Variants in SEC14L1 observed in about 807,000 individuals in gnomAD.
SEC14L1 encodes the protein SEC14-like protein 1.
In SEC14L1, 48 loss-of-function variants were observed where a neutral mutation model predicts 85.3. The observed-to-expected ratio is 0.56, with a 90% CI of 0.45 to 0.72. SEC14L1 has a LOEUF of 0.72. Ranked by LOEUF, SEC14L1 falls within the 30% of genes least tolerant of loss-of-function variation. The pLI, the probability that SEC14L1 is intolerant of heterozygous loss-of-function variation, is 0.00. For missense variants in SEC14L1, 682 were observed against 921.4 expected, an observed-to-expected ratio of 0.74 and a Z score of 3.36; for synonymous variants, 391 against 355.5, an observed-to-expected ratio of 1.10 and a Z score of -1.12.
At chr17:77,103,863 G>A (rs1318026749) in intron 3 of SEC14L1, among the ~76,000 whole-genome samples, 4 of 150,734 alleles carry the variant, frequency 2.7e-5, no homozygotes, top group East Asian at 2.0e-4. Context: ...CGGGAAGACC[G>A]TGGATCCAGG....
intron 3 of SEC14L1, among the ~76,000 whole-genome samples, chr17:77,124,718 G>A (rs1972391428): frequency 6.6e-6 from 1 of 152,138 alleles, no homozygotes; most frequent in Non-Finnish European, 1.5e-5. Context: ...AGTGAGTGAG[G>A]CCATTGGAGG....
At chr17:77,163,206 AT>A (rs1321588552) in intron 3 of SEC14L1, among the ~76,000 whole-genome samples, 1 of 152,144 alleles carries the variant, frequency 6.6e-6, no homozygotes, top group Non-Finnish European at 1.5e-5. Context: ...GATGATACGA[AT>A]TGGACTTACC....
At chr17:77,209,649 G>A (rs1976648485) in intron 14 of SEC14L1, among the ~76,000 whole-genome samples, 173 bp downstream of exon 14, 1 of 152,210 alleles carries the variant, frequency 6.6e-6, no homozygotes, top group South Asian at 2.1e-4. Flanking sequence ...CAACGTCGAA[G>A]AATGGGTCTC....
intron 3 of SEC14L1, among the ~76,000 whole-genome samples, chr17:77,117,488 C>T (rs994921224): frequency 1.3e-5 from 2 of 152,234 alleles, no homozygotes; most frequent in Non-Finnish European, 2.9e-5. Context: ...GCTATTCTCA[C>T]AGGCCAAATG....
intron 3 of SEC14L1, among the ~76,000 whole-genome samples, chr17:77,179,327 T>C (rs1741259901): frequency 6.6e-6 from 1 of 152,320 alleles, no homozygotes; most frequent in African/African-American, 2.4e-5. Context: ...CTAAAATACT[T>C]GGAAGTGCAA....
At chr17:77,141,838 C>T (rs148886704) in intron 1 of SEC14L1, 2 of 152,322 alleles carry the variant, frequency 1.3e-5, no homozygotes, top group East Asian at 1.9e-4. Flanking sequence ...CGGTTATCGT[C>T]CTCATATCTG....
chr17:77,144,349 G>A (rs961270013), intron 3 of SEC14L1, among the ~76,000 whole-genome samples: 2 of 152,092 alleles, frequency 1.3e-5, no homozygotes, highest in South Asian at 4.1e-4. Context: ...AGCACACCTG[G>A]GATACTGGCA....
At chr17:77,196,594 A>G (rs1975816476) in intron 8 of SEC14L1, among the ~76,000 whole-genome samples, 3 of 152,206 alleles carry the variant, frequency 2.0e-5, no homozygotes, top group African/African-American at 4.8e-5. Context: ...CACACATTCA[A>G]ATTTTCAGAA....
At position 77,206,646 on chromosome 17, in the gene SEC14L1, C is replaced by A; in HGVS notation, c.1342-82C>A. On this transcript the variant is annotated intron_variant, in intron 12 of 16. Transcript: ENST00000436233. This position sits in a 1 kb window ranked among gnomAD's most constrained non-coding sequence, Gnocchi z 4.3. ...TGAATGTCTTCCCCCCACCCTCCCA[C>A]TCAGAATACCACATTGTCATTTTAA... The A allele has an allele frequency of 6.6e-7, 1 of 1,505,772 alleles. No individual in the cohort carries two copies. Among genetic ancestry groups the A allele is most frequent in the Non-Finnish European group, 9.0e-7 (1 of 1,112,380 alleles). 93.3% of individuals were successfully genotyped at this position (1,505,772 alleles called of 1,614,324 possible).
chr17:77,211,689 A>C (rs1976758835), intron 14 of SEC14L1: 4 of 512,670 alleles, frequency 7.8e-6, no homozygotes, highest in East Asian at 7.1e-5. Flanking sequence ...GTGTGTGTGA[A>C]GATGGTGTAT....
intron 7 of SEC14L1, among the ~76,000 whole-genome samples, chr17:77,195,249 G>A (rs1479158678): frequency 2.6e-5 from 4 of 151,938 alleles, no homozygotes; most frequent in Non-Finnish European, 5.9e-5. Context: ...TTCTGCCTCG[G>A]CCTCCCAAAG....
At position 77,208,869 on chromosome 17, in the gene SEC14L1, T is replaced by C. The variant is rs577090290; in HGVS notation, c.1477-473T>C. Among the ~76,000 whole-genome samples the C allele has an allele frequency of 2.6e-4, 40 of 152,378 alleles. 1 individual carries two copies. The South Asian group carries it at 5.2e-3, about 20-fold the overall frequency. On this transcript the variant is annotated intron_variant, in intron 13 of 16. Coordinates refer to ENST00000436233, the MANE Select transcript of SEC14L1 (RefSeq NM_001143998.2). ...AAATTCAAAAGAAGTTCTTCATTAG[T>C]TTTTGGCTGGTGTTATAGACCAGTC...
Position 77,213,462 on chromosome 17 carries a change from A to G in SEC14L1, c.2012A>G (p.Tyr671Cys), listed in dbSNP as rs1976872718. 1.2e-6 allele frequency: 2 copies of G among 1,611,724 alleles called. No individual in the cohort carries two copies. The highest frequency in any genetic ancestry group is 2.2e-5 in the South Asian group (2 of 91,086). Reference sequence around the variant, plus strand: ...TCGCACAAGTGTAAAGTGATGTACTACACCGAGGTGATCGGCTCGGAGGAT... The same window carrying G: ...TCGCACAAGTGTAAAGTGATGTACTGCACCGAGGTGATCGGCTCGGAGGAT... ...VSSHKCKVMY[Y>C]TEVIGSEDFR... Residue 671 changes from tyrosine to cysteine, a missense_variant, in exon 16 of 17, where the codon TAC becomes TGC. Tyr to Cys is a radical substitution (Grantham distance 194). This residue lies in a region of SEC14L1 where 420 missense variants were observed against 619.5 expected (regional missense o/e 0.68). Transcript: ENST00000436233. This position sits in a 1 kb window ranked among gnomAD's most constrained non-coding sequence, Gnocchi z 7.1.
chr17:77,096,898 C>T (rs547100267), intron 3 of SEC14L1, among the ~76,000 whole-genome samples: 73 of 152,118 alleles, frequency 4.8e-4, no homozygotes, highest in South Asian at 1.0e-3. Context: ...GATTCATCTG[C>T]GGGGCTGGGC....
chr17:77,212,972 T>C (rs1478371665), intron 15 of SEC14L1, among the ~76,000 whole-genome samples: 1 of 152,156 alleles, frequency 6.6e-6, no homozygotes, highest in Non-Finnish European at 1.5e-5. Flanking sequence ...TGAGGCCAGG[T>C]CCAGGGAAGC....
At chr17:77,150,489 A>G (rs946233496) in intron 3 of SEC14L1, among the ~76,000 whole-genome samples, 3 of 152,214 alleles carry the variant, frequency 2.0e-5, no homozygotes, top group African/African-American at 7.2e-5. Flanking sequence ...TGTTAGATCA[A>G]ATAGGCATTT....
At chr17:77,144,221 C>T (rs1226044477) in intron 3 of SEC14L1, among the ~76,000 whole-genome samples, 3 of 152,156 alleles carry the variant, frequency 2.0e-5, no homozygotes, top group Admixed American at 2.0e-4. Context: ...GGTATTTCTT[C>T]TTTTCCTTTC....
chr17:77,194,482 G>A (rs977208361), intron 6 of SEC14L1, among the ~76,000 whole-genome samples, 195 bp from the exon 7 acceptor site: 2 of 151,852 alleles, frequency 1.3e-5, no homozygotes, highest in Non-Finnish European at 1.5e-5. Context: ...AGTCCAGGAG[G>A]TCAAGGGTAC....
At chr17:77,200,338 T>G in intron 8 of SEC14L1, 146 bp from the exon 9 acceptor site, 1 of 596,940 alleles carries the variant, frequency 1.7e-6, no homozygotes, top group Non-Finnish European at 2.9e-6. Flanking sequence ...CTGGCTGATT[T>G]TTGTATTTTT....
Sources: allele counts gnomAD v4.1 joint callset (sites outside exome capture counted in the v4.1 genomes callset), GRCh38; gene constraint gnomAD v4.1.1; regional missense constraint gnomAD v4.1.1; non-coding constraint Gnocchi (gnomAD v3.1); transcripts MANE v1.5; gene names NCBI Gene and HGNC (gene_info 2026-07-23, HGNC 2026-07-21).